NEB: variants seen among roughly 807,000 people sequenced by gnomAD.
NEB encodes the protein nemaline myopathy type 2.
NEB carries 512 observed loss-of-function variants against 952.2 expected under a neutral mutation model. The observed-to-expected ratio is 0.54, with a 90% CI of 0.50 to 0.58. The LOEUF (loss-of-function observed/expected upper bound fraction) is 0.58, where lower values mean the gene tolerates loss of function less well. Ranked by LOEUF, NEB falls within the 20% of genes least tolerant of loss-of-function variation. NEB has a pLI of 0.00. For missense variants in NEB, 8,428 were observed against 9,231.1 expected (o/e 0.91, Z 3.56); for synonymous variants, 2,900 against 3,149.8 (o/e 0.92, Z 2.66).
intron 113 of NEB, among the ~76,000 whole-genome samples, 165 bp from the exon 114 acceptor site, chr2:151,567,644 T>C: frequency 6.6e-6 from 1 of 151,944 alleles, no homozygotes; most frequent in South Asian, 2.1e-4. Context: ...TAAATCCATA[T>C]GAAGAAACAC....
chr2:151,535,788 T>C lies in NEB; in HGVS notation c.21215A>G (p.Tyr7072Cys), dbSNP rs763554121. 128 of 1,575,356 alleles carry C rather than the reference T, an allele frequency of 8.1e-5. No homozygotes were observed. In the East Asian group the frequency reaches 2.8e-3, roughly 35 times the overall value. Residue 7072 changes from tyrosine to cysteine, a missense_variant, in exon 142 of 182, where the codon TAT becomes TGT. Around this residue, in one of 11 missense-constraint regions of NEB, gnomAD observed 3,374 missense variants for 3,651.5 expected, o/e 0.92. Transcript: ENST00000397345. ...CTTTGTCCTTTCAAATACTTCTTTA[T>C]ACTTATACTAGAAAAAACAGAACAT... ...KNKTLYSKYKYKEVFERTKSD... is the reference protein window; with the variant it reads ...KNKTLYSKYKCKEVFERTKSD...
rs1233792020 is a variant in NEB, at chr2:151,669,026, C to T, written c.4611+1G>A. 6.3e-7 allele frequency: 1 copy of T among 1,577,488 alleles called. No individual in the cohort carries two copies. The highest frequency in any genetic ancestry group is 1.8e-5 in the Admixed American group (1 of 56,378). On this transcript the variant is annotated splice_donor_variant, in intron 39 of 181. Coordinates refer to ENST00000397345, the MANE Select transcript of NEB (RefSeq NM_001164508.2). LOFTEE classifies it high-confidence loss of function. ...ATATTAGCACTGGGCCAAATACTCA[C>T]ATCACTCATGTTGAGGGCGTTGACT...
chr2:151,496,839 A>G lies in NEB; in HGVS notation c.24393+102T>C. The G allele has an allele frequency of 2.3e-6, 3 of 1,330,262 alleles. No individual in the cohort carries two copies. In the Admixed American group the frequency reaches 6.9e-5, roughly 31 times the overall value. The allele number at this position is 1,330,262 out of a possible 1,614,324, so 82.4% of individuals were successfully genotyped here. On this transcript the variant is annotated intron_variant, in intron 172 of 181. Coordinates refer to ENST00000397345, the MANE Select transcript of NEB (RefSeq NM_001164508.2). ...ATAAATTTGCTAAAGAAAGAAGTTC[A>G]CAAAATTTGTCTTTAGAAAATAGGA...
chr2:151,634,453 C>T (rs2098719667), intron 64 of NEB, among the ~76,000 whole-genome samples: 1 of 151,966 alleles, frequency 6.6e-6, no homozygotes, highest in Admixed American at 6.6e-5. Flanking sequence ...ACCATCCTGG[C>T]TAATATGGTG....
chr2:151,609,496 G>C (rs1186927720), intron 81 of NEB, among the ~76,000 whole-genome samples: 2 of 152,094 alleles, frequency 1.3e-5, no homozygotes, highest in African/African-American at 4.8e-5. Flanking sequence ...GGAAAATTTT[G>C]CTGAATTAGA....
intron 71 of NEB, among the ~76,000 whole-genome samples, 155 bp downstream of exon 71, chr2:151,625,379 T>A (rs947328505): frequency 3.3e-5 from 5 of 152,204 alleles, no homozygotes; most frequent in Admixed American, 2.6e-4. Flanking sequence ...GCCTATTTTT[T>A]AATACAATAA....
chr2:151,679,979 T>G lies in NEB; in HGVS notation c.3086A>C (p.Asn1029Thr), dbSNP rs1576094796. Residue 1029 changes from asparagine to threonine, a missense_variant, in exon 31 of 182, where the codon AAC (asparagine) becomes ACC (threonine). By Grantham distance (65) the Asn-to-Thr change is moderately conservative. Around this residue, in one of 11 missense-constraint regions of NEB, gnomAD observed 2,851 missense variants for 2,791.5 expected, o/e 1.02. Transcript: ENST00000397345. ...GAACTGGGGCAGGTCTGGTGGCAGG[T>G]TGTATTTGTGAATAATTTCCTCTCC... ...AKGEEIIHKY[N>T]LPPDLPQFIQ... The G allele has an allele frequency of 6.2e-7, 1 of 1,613,648 alleles. No homozygotes were observed. Among genetic ancestry groups the G allele is most frequent in the Non-Finnish European group, 8.5e-7 (1 of 1,179,568 alleles).
Position 151,541,485 on chromosome 2 carries a change from G to A in NEB, c.20644C>T (p.Leu6882Phe), listed in dbSNP as rs772093468. ...TTCTGCCCTCGCTTGGCTCTTAAAA[G>A]ATCAGGAGTATCAGGAACTGAAGTA... ...IFTSVPDTPD[L>F]LRAKRGQKLQ... is the part of the protein sequence containing the mutation. Residue 6882 changes from leucine (L) to phenylalanine (F), a missense_variant, in exon 136 of 182, where the codon CTT (leucine) becomes TTT (phenylalanine). Coordinates refer to ENST00000397345, the MANE Select transcript of NEB (RefSeq NM_001164508.2). 4 of 1,613,422 alleles carry A rather than the reference G, an allele frequency of 2.5e-6. No homozygotes were observed. The highest frequency in any genetic ancestry group is 1.1e-5 in the South Asian group (1 of 90,982).
intron 83 of NEB, among the ~76,000 whole-genome samples, chr2:151,607,056 G>C (rs2097726633): frequency 1.0e-5 from 1 of 99,082 alleles, no homozygotes; most frequent in African/African-American, 2.6e-5. Context: ...GATCTGATAA[G>C]ATTTTTCTCC....
intron 51 of NEB, among the ~76,000 whole-genome samples, chr2:151,654,463 G>T (rs2099065329): frequency 6.6e-6 from 1 of 152,096 alleles, no homozygotes; most frequent in Middle Eastern, 3.2e-3. Context: ...CTAATAAAAA[G>T]AAAAACAGGT....
chr2:151,689,195 CTCTT>C (rs1280803002), intron 24 of NEB: 1 of 130,304 alleles, frequency 7.7e-6, no homozygotes, highest in Non-Finnish European at 1.6e-5. Flanking sequence ...AAGATATATA[CTCTT>C]TTTTTTTTTT....
intron 56 of NEB, 96 bp from the exon 57 acceptor site, chr2:151,644,225 T>C: frequency 1.3e-6 from 2 of 1,490,568 alleles, no homozygotes; most frequent in Middle Eastern, 3.6e-4. Context: ...AATATTTTAC[T>C]AAGCCTAGAG....
At chr2:151,488,537 T>A (rs2053168988) in intron 181 of NEB, among the ~76,000 whole-genome samples, 1 of 151,840 alleles carries the variant, frequency 6.6e-6, no homozygotes, top group Non-Finnish European at 1.5e-5. Context: ...TCCTAGCTAT[T>A]CTGGTGGCTG....
chr2:151,540,869 C>G, intron 136 of NEB, 68 bp from the exon 137 acceptor site: 1 of 1,306,154 alleles, frequency 7.7e-7, no homozygotes, highest in East Asian at 2.3e-5. Flanking sequence ...CAGTCCACTT[C>G]ATTCATTTCT....
At chr2:151,616,167 T>C in intron 75 of NEB, 58 bp from the exon 76 acceptor site, 1 of 1,200,726 alleles carries the variant, frequency 8.3e-7, no homozygotes, top group African/African-American at 1.5e-5. Context: ...AAGCTGTTCA[T>C]TATTAGTTTT....
At chr2:151,576,115 C>A in intron 106 of NEB, 36 bp downstream of exon 106, 1 of 1,448,466 alleles carries the variant, frequency 6.9e-7, no homozygotes, top group East Asian at 2.3e-5. Context: ...CTATTTATGG[C>A]ATTAATTCAA....
At chr2:151,725,948 A>G (rs2099789284) in intron 5 of NEB, among the ~76,000 whole-genome samples, 1 of 152,228 alleles carries the variant, frequency 6.6e-6, no homozygotes, top group African/African-American at 2.4e-5. Context: ...TATTCAATTC[A>G]GAAGTTGCAG....
chr2:151,730,700 G>C (rs766191959), intron 3 of NEB, among the ~76,000 whole-genome samples: 28 of 151,040 alleles, frequency 1.9e-4, no homozygotes, highest in Non-Finnish European at 3.1e-4. Flanking sequence ...CAGCACTCAA[G>C]GGAAGGGAAA....
intron 124 of NEB, among the ~76,000 whole-genome samples, chr2:151,560,267 G>T (rs1361205969): frequency 6.6e-6 from 1 of 152,082 alleles, no homozygotes; most frequent in African/African-American, 2.4e-5. Context: ...TATTGAAAAA[G>T]TCTATTTCTG....
Sources: allele counts gnomAD v4.1 joint callset (sites outside exome capture counted in the v4.1 genomes callset), GRCh38; gene constraint gnomAD v4.1.1; regional missense constraint gnomAD v4.1.1; transcripts MANE v1.5; gene names NCBI Gene and HGNC (gene_info 2026-07-23, HGNC 2026-07-21).